The following SLF1 variants were observed in gnomAD, a reference collection of about 807,000 sequenced individuals.
SLF1 encodes the protein SMC5/6 complex localization factor 1.
A neutral mutation model predicts 123.0 loss-of-function variants in SLF1; 105 were observed. The observed-to-expected ratio is 0.85, with a 90% CI of 0.73 to 1.00. The LOEUF (loss-of-function observed/expected upper bound fraction) is 1.00. Among genes scored for constraint, SLF1 ranks in the 50% least tolerant of loss-of-function variants. The probability of loss-of-function intolerance (pLI) is 0.00; values close to 1 mark genes in which losing one functional copy is unlikely to be tolerated. For missense variants in SLF1, 1,239 were observed against 1,223.0 expected (o/e 1.01, Z -0.20); for synonymous variants, 434 against 406.6 (o/e 1.07, Z -0.81).
At chr5:94,673,299 C>G (rs1585201648) in intron 14 of SLF1, among the ~76,000 whole-genome samples, 1 of 152,084 alleles carries the variant, frequency 6.6e-6, no homozygotes, top group Non-Finnish European at 1.5e-5. Context: ...CCTAGCACTT[C>G]CTCATAATTT....
intron 14 of SLF1, among the ~76,000 whole-genome samples, chr5:94,676,729 G>C (rs987010150): frequency 2.6e-5 from 4 of 152,196 alleles, no homozygotes; most frequent in African/African-American, 7.2e-5. Context: ...CATGCTACTG[G>C]TCCTGACTGT....
intron 1 of SLF1, among the ~76,000 whole-genome samples, chr5:94,619,442 A>G (rs1791430275): frequency 6.6e-6 from 1 of 152,090 alleles, no homozygotes. Flanking sequence ...AACAAGACTG[A>G]GTGGCTATTT....
chr5:94,637,403 G>A (rs752316522), intron 4 of SLF1, among the ~76,000 whole-genome samples: 7 of 152,280 alleles, frequency 4.6e-5, no homozygotes, highest in Non-Finnish European at 1.0e-4. Context: ...GCTGAGCTCT[G>A]CAATCAGGCA....
chr5:94,688,013 TA>T (rs1752642993), intron 16 of SLF1, among the ~76,000 whole-genome samples: 1 of 130,522 alleles, frequency 7.7e-6, no homozygotes, highest in Non-Finnish European at 1.7e-5. Context: ...GATATGTAGA[TA>T]TTAATATCTA....
intron 12 of SLF1, among the ~76,000 whole-genome samples, chr5:94,666,270 CATT>C (rs1419907232): frequency 6.6e-6 from 1 of 152,084 alleles, no homozygotes; most frequent in Non-Finnish European, 1.5e-5. Flanking sequence ...AAAGCCAAAT[CATT>C]ATTATTTTTA....
At chr5:94,640,293 C>T (rs536506078) in intron 4 of SLF1, among the ~76,000 whole-genome samples, 11 of 151,988 alleles carry the variant, frequency 7.2e-5, no homozygotes, top group African/African-American at 1.7e-4. Flanking sequence ...CACTTTAATT[C>T]GTAATTAAAG....
At chr5:94,638,007 T>A (rs1025108160) in intron 4 of SLF1, among the ~76,000 whole-genome samples, 22 of 151,968 alleles carry the variant, frequency 1.4e-4, no homozygotes, top group African/African-American at 5.1e-4. Flanking sequence ...AGGCTGCCCA[T>A]CTAGAGATTC....
Position 94,689,492 on chromosome 5 carries a change from T to A in SLF1, c.2305T>A (p.Cys769Ser). ...TTTCAGAGACCTGAACCTTGCTAAA[T>A]GTTCCTCATCATTAAAAAAATTGAA... The part of the protein sequence containing the change: ...PELLDLNLAK[C>S]SSSLKKLKKK... The change falls in exon 18 of 21, where the codon TGT (cysteine) becomes AGT (serine). Residue 769 changes from cysteine to serine, a missense_variant. Coordinates refer to ENST00000265140, the MANE Select transcript of SLF1 (RefSeq NM_032290.4). 6.2e-7 allele frequency: 1 copy of A among 1,612,408 alleles called. No individual in the cohort carries two copies. The highest frequency in any genetic ancestry group is 1.7e-5 in the Admixed American group (1 of 59,830).
rs1245024529 is a variant in SLF1 at position 94,671,008 on chromosome 5, T to G, written c.1827T>G (p.Asp609Glu). Residue 609 changes from aspartate to glutamate, a missense_variant and splice_region_variant, in exon 14 of 21, where the codon GAT becomes GAG. By Grantham distance (45) the Asp-to-Glu change is conservative (BLOSUM62 2). Transcript: ENST00000265140. ...ACAAGGAAAAATTCAAGTCTAATGA[T>G]GTAAGTAGGATTAATTTATAGATGA... ...YSHKEKFKSN[D>E]VFKHELAYLL... The G allele has an allele frequency of 6.6e-7, 1 of 1,517,282 alleles. No homozygotes were observed. The highest frequency in any genetic ancestry group is 8.9e-7 in the Non-Finnish European group (1 of 1,119,376). The allele number at this position is 1,517,282 out of a possible 1,614,324, so 94.0% of individuals were successfully genotyped here.
At chr5:94,643,181 A>T in intron 4 of SLF1, 92 bp from the exon 5 acceptor site, 3 of 1,035,590 alleles carry the variant, frequency 2.9e-6, no homozygotes, top group South Asian at 3.5e-5. Context: ...AGAAAAGTCC[A>T]TTCGTACTCC....
intron 1 of SLF1, among the ~76,000 whole-genome samples, chr5:94,627,193 T>G (rs1186414832): frequency 6.6e-6 from 1 of 152,222 alleles, no homozygotes; most frequent in East Asian, 1.9e-4. Context: ...AAAGAAGTCA[T>G]TGTTTCTTTA....
chr5:94,656,473 T>TAGAC (rs1656986996), intron 9 of SLF1, among the ~76,000 whole-genome samples: 1 of 152,048 alleles, frequency 6.6e-6, no homozygotes, highest in South Asian at 2.1e-4. Flanking sequence ...TGTCTTTGTC[T>TAGAC]GGTTTTGGTA....
At chr5:94,673,410 C>A (rs1055578117) in intron 14 of SLF1, among the ~76,000 whole-genome samples, 8 of 151,756 alleles carry the variant, frequency 5.3e-5, no homozygotes, top group Non-Finnish European at 1.2e-4. Flanking sequence ...TGCAGTGGTT[C>A]CTGCCTGTAA....
rs919734916 is a variant in SLF1, at chr5:94,649,496, T to G, written c.637T>G (p.Trp213Gly). The change falls in exon 6 of 21, where the codon TGG (tryptophan) becomes GGG (glycine). Residue 213 changes from tryptophan to glycine, a missense_variant. By Grantham distance (184) the Trp-to-Gly change is radical. Transcript: ENST00000265140. Reference sequence around the variant, plus strand: ...TGAAGATTCCCAAACCAATTCTGTTTGGACTGAACATAGCAATGAAGAAAC... The same window carrying G: ...TGAAGATTCCCAAACCAATTCTGTTGGGACTGAACATAGCAATGAAGAAAC... ...NDEDSQTNSV[W>G]TEHSNEETNK... 14 of 1,529,892 alleles carry G rather than the reference T, an allele frequency of 9.2e-6. No homozygotes were observed. Among genetic ancestry groups the G allele is most frequent in the Non-Finnish European group, 1.2e-5 (14 of 1,132,802 alleles). 94.8% of individuals were successfully genotyped at this position (1,529,892 alleles called of 1,614,324 possible).
intron 19 of SLF1, 123 bp from the exon 20 acceptor site, chr5:94,691,951 A>G: frequency 3.5e-6 from 3 of 855,532 alleles, no homozygotes; most frequent in South Asian, 2.2e-5. Flanking sequence ...TTTTTATCAC[A>G]GCATTCTTTT....
At chr5:94,652,888 A>G (rs1747909585) in intron 7 of SLF1, among the ~76,000 whole-genome samples, 1 of 151,826 alleles carries the variant, frequency 6.6e-6, no homozygotes, top group African/African-American at 2.4e-5. Flanking sequence ...ATGGAGTTTC[A>G]CTCTAGTTGC....
chr5:94,693,540 G>GT (rs922080130), intron 20 of SLF1, among the ~76,000 whole-genome samples: 3 of 151,866 alleles, frequency 2.0e-5, no homozygotes, highest in African/African-American at 7.2e-5. Context: ...AATTGTTTTT[G>GT]TTTTTATCAA....
chr5:94,641,746 G>T (rs1315717778), intron 4 of SLF1, among the ~76,000 whole-genome samples: 1 of 152,184 alleles, frequency 6.6e-6, no homozygotes, highest in Non-Finnish European at 1.5e-5. Context: ...AGTTTTGCTA[G>T]ACAAGCTTCA....
At chr5:94,667,324 A>G (rs1749891941) in intron 12 of SLF1, among the ~76,000 whole-genome samples, 1 of 152,208 alleles carries the variant, frequency 6.6e-6, no homozygotes, top group African/African-American at 2.4e-5. Flanking sequence ...ATGTGAGAAA[A>G]TAGAGTTTAT....
Sources: gnomAD v4.1 joint callset for allele counts (sites outside exome capture counted in the v4.1 genomes callset) on GRCh38, gnomAD v4.1.1 for gene constraint, MANE v1.5 for transcripts, NCBI Gene and HGNC (gene_info 2026-07-23, HGNC 2026-07-21) for gene names.